MUC17: variants seen among roughly 807,000 people sequenced by gnomAD.
MUC17 encodes the protein mucin-17.
A neutral mutation model predicts 170.3 loss-of-function variants in MUC17; 190 were observed. That is an observed-to-expected ratio of 1.12 (90% CI 0.99 to 1.26). The LOEUF is 1.26. Ranked by LOEUF, MUC17 falls within the 50% of genes most tolerant of loss-of-function variation. The pLI is 0.00. For missense variants in MUC17, 6,415 were observed against 5,530.0 expected (o/e 1.16, Z -5.08); for synonymous variants, 2,325 against 2,002.5 (o/e 1.16, Z -4.30).
Position 101,037,572 on chromosome 7 carries a change from C to G in MUC17, c.6156C>G (p.Ser2052Arg), listed in dbSNP as rs376357171. The stretch of plus-strand genomic sequence containing the variant: ...CTCCATTAGCAGGTATGCCTGTCAG[C>G]ACTACGCTTGTGGTCAGTTCTGAGG... ...RTTPLAGMPV[S>R]TTLVVSSEGN... The change falls in exon 3 of 13, where the codon AGC (serine) becomes AGG (arginine). Residue 2052 changes from serine to arginine, a missense_variant. Coordinates refer to ENST00000306151, the MANE Select transcript of MUC17 (RefSeq NM_001040105.2). 43 of 1,613,680 alleles carry G rather than the reference C, an allele frequency of 2.7e-5. 1 individual carries two copies. The Middle Eastern group carries it at 4.9e-4, about 19-fold the overall frequency.
Position 101,039,051 on chromosome 7 carries a change from T to A in MUC17, c.7635T>A (p.Pro2545=), listed in dbSNP as rs1159041436. 1.2e-6 allele frequency: 2 copies of A among 1,613,666 alleles called. No homozygotes were observed. Among genetic ancestry groups the A allele is most frequent in the Admixed American group, 1.7e-5 (1 of 59,982 alleles). ...CAACTCCTGTTGACTCCAACAGTCC[T>A]GTGGTCACTTCTACTGAAATCAGTT... is the stretch of plus-strand genomic sequence containing the variant. ...LSTTPVDSNS[P]VVTSTEISSS... is the part of the protein sequence containing the mutation. The change falls in exon 3 of 13, where the codon CCT becomes CCA. Residue 2545 remains proline, a synonymous_variant. Transcript: ENST00000306151.
Position 101,034,142 on chromosome 7 carries a change from C to A in MUC17, c.2726C>A (p.Ser909Tyr), listed in dbSNP as rs757190906. ...STEARSSPTTSEGTSMPTSTP... is the reference protein window; with the variant it reads ...STEARSSPTTYEGTSMPTSTP... The stretch of plus-strand genomic sequence containing the variant: ...GAAGCCCGTTCGTCTCCTACAACTT[C>A]TGAAGGTACCAGCATGCCAACCTCA... The change falls in exon 3 of 13, where the codon TCT becomes TAT. Residue 909 changes from serine to tyrosine, a missense_variant. Transcript: ENST00000306151. 2.3e-5 allele frequency: 37 copies of A among 1,584,942 alleles called. No homozygotes were observed. Among genetic ancestry groups the A allele is most frequent in the Middle Eastern group, 3.4e-4 (2 of 5,936 alleles).
intron 11 of MUC17, among the ~76,000 whole-genome samples, chr7:101,054,932 A>G (rs780776762): frequency 2.0e-5 from 3 of 152,106 alleles, no homozygotes; most frequent in Admixed American, 6.6e-5. Context: ...ACACGGTGAA[A>G]CCCCGTCTCT....
chr7:101,031,935 G>A lies in MUC17; in HGVS notation c.519G>A (p.Glu173=). 1 of 1,614,018 alleles carries A rather than the reference G, an allele frequency of 6.2e-7. No individual in the cohort carries two copies. The highest frequency in any genetic ancestry group is 1.3e-5 in the African/African-American group (1 of 75,048). The change falls in exon 3 of 13, where the codon GAG becomes GAA. Residue 173 remains glutamate (E), a synonymous_variant. Transcript: ENST00000306151. ...FVSTAPLPSF[E]AYTSLTYKVD... ...GCACTGCACCTCTTCCCAGTTTTGA[G>A]GCCTACACATCTTTAACATATAAGG...
In MUC17 at chr7:101,036,897, C is replaced by A; in HGVS notation, c.5481C>A (p.Thr1827=). 2 of 1,613,004 alleles carry A rather than the reference C, an allele frequency of 1.2e-6. No individual in the cohort carries two copies. The highest frequency in any genetic ancestry group is 2.2e-5 in the East Asian group (1 of 44,796). The change falls in exon 3 of 13, where the codon ACC becomes ACA. Residue 1827 remains threonine, a synonymous_variant. Coordinates refer to ENST00000306151, the MANE Select transcript of MUC17 (RefSeq NM_001040105.2). The part of the protein sequence containing the change: ...HTLVANSEAS[T]LSTTPVDSNS... The stretch of plus-strand genomic sequence containing the variant: ...TGGTGGCCAATTCTGAGGCTAGCAC[C>A]CTTTCAACAACTCCTGTTGACTCTA...
At position 101,042,597 on chromosome 7, in the gene MUC17, T is replaced by G. The variant is rs1794748342; in HGVS notation, c.11181T>G (p.Thr3727=). 1.9e-6 allele frequency: 3 copies of G among 1,614,128 alleles called. No individual in the cohort carries two copies. Among genetic ancestry groups the G allele is most frequent in the Non-Finnish European group, 2.5e-6 (3 of 1,180,032 alleles). ...PSVVTSTPVT[T]STEAISSSAT... ...TTGTCACCAGCACACCTGTGACCACTTCTACTGAAGCCATTTCATCTTCTG... is the reference window on the plus strand; with the variant it reads ...TTGTCACCAGCACACCTGTGACCACGTCTACTGAAGCCATTTCATCTTCTG... The change falls in exon 3 of 13, where the codon ACT becomes ACG. Residue 3727 remains threonine (T), a synonymous_variant. Transcript: ENST00000306151.
At position 101,051,842 on chromosome 7, in the gene MUC17, T is replaced by C. The variant is rs1041151590; in HGVS notation, c.12983T>C (p.Phe4328Ser). The change falls in exon 9 of 13, where the codon TTC (phenylalanine) becomes TCC (serine). Residue 4328 changes from phenylalanine to serine, a missense_variant. Transcript: ENST00000306151. Reference sequence around the variant, plus strand: ...ATGGCCAAGGAATATGGAGACTACTTCGTAGTGGAGTACCGGGACCAGAAG... The same window carrying C: ...ATGGCCAAGGAATATGGAGACTACTCCGTAGTGGAGTACCGGGACCAGAAG... ...RKMAKEYGDY[F>S]VVEYRDQKPY... The C allele has an allele frequency of 1.2e-6, 2 of 1,614,154 alleles. No individual in the cohort carries two copies. The highest frequency in any genetic ancestry group is 1.7e-4 in the Middle Eastern group (1 of 6,060).
rs759900251 is a variant in MUC17, at chr7:101,034,606, A to G, written c.3190A>G (p.Thr1064Ala). 6.2e-7 allele frequency: 1 copy of G among 1,606,354 alleles called. No homozygotes were observed. The highest frequency in any genetic ancestry group is 1.1e-5 in the South Asian group (1 of 90,644). The change falls in exon 3 of 13, where the codon ACA (threonine) becomes GCA (alanine). Residue 1064 changes from threonine to alanine, a missense_variant. Physicochemically the swap from Thr to Ala is moderately conservative, Grantham distance 58. Coordinates refer to ENST00000306151, the MANE Select transcript of MUC17 (RefSeq NM_001040105.2). ...CAGTTCTGAAACGAGCACACTTTCA[A>G]CAACTCCTGCTGACACCAGCACACC... The part of the protein sequence containing the change: ...VASSETSTLS[T>A]TPADTSTPVT...
rs1240215276 is a variant in MUC17, at chr7:101,035,997, C to T, written c.4581C>T (p.Ala1527=). Residue 1527 remains alanine (A), a synonymous_variant, in exon 3 of 13, where the codon GCC becomes GCT. Coordinates refer to ENST00000306151, the MANE Select transcript of MUC17 (RefSeq NM_001040105.2). ...TACCTGTCAGCACCACAACAGTGGC[C>T]AGTTCTGAAATCAACAGCCTTTCAA... ...TSIPVSTTTV[A]SSEINSLSTT... 2 of 1,611,906 alleles carry T rather than the reference C, an allele frequency of 1.2e-6. No individual in the cohort carries two copies. The highest frequency in any genetic ancestry group is 1.7e-5 in the Admixed American group (1 of 59,930).
rs116593362 is a variant in MUC17 at position 101,039,839 on chromosome 7, C to G, written c.8423C>G (p.Thr2808Arg). The G allele has an allele frequency of 1.6e-3, 2,577 of 1,604,538 alleles. 45 individuals are homozygous for G. The African/African-American group carries it at 0.032, about 20-fold the overall frequency. Residue 2808 changes from threonine (T) to arginine (R), a missense_variant, in exon 3 of 13, where the codon ACA (threonine) becomes AGA (arginine). By Grantham distance (71) the Thr-to-Arg change is moderately conservative. Transcript: ENST00000306151. The part of the protein sequence containing the change: ...TSMPTSTPSE[T>R]STPLTSMPVN... ...ATGCCAACCTCAACTCCTAGTGAAA[C>G]AAGTACTCCATTAACTAGTATGCCT...
intron 11 of MUC17, among the ~76,000 whole-genome samples, chr7:101,055,084 G>A (rs1191799387): frequency 3.9e-5 from 6 of 152,062 alleles, no homozygotes; most frequent in African/African-American, 1.2e-4. Flanking sequence ...CTCCAGCCTG[G>A]GCAACAGAGC....
Position 101,043,723 on chromosome 7 carries a change from A to G in MUC17, c.12307A>G (p.Thr4103Ala), listed in dbSNP as rs773745837. ...TTRTKPSTRT[T>A]SFPTVTTTAV... is the part of the protein sequence containing the mutation. ...CAGGACAAAACCCAGCACACGGACC[A>G]CTTCCTTCCCCACGGTGACCACCAC... The change falls in exon 3 of 13, where the codon ACT becomes GCT. Residue 4103 changes from threonine to alanine, a missense_variant. Transcript: ENST00000306151. The G allele has an allele frequency of 9.9e-6, 16 of 1,613,964 alleles. No individual in the cohort carries two copies. Among genetic ancestry groups the G allele is most frequent in the Non-Finnish European group, 1.3e-5 (15 of 1,180,014 alleles).
rs1335081941 is a variant in MUC17, at chr7:101,033,573, GA to G, written c.2158del (p.Thr720ProfsTer30). ...CTCCTGTTGACACCAGCACACCTGT[GA>G]CCACTTCAACTGAAGCCAGTTCCTC... ...TTPVDTSTPV[T>X]TSTEASSSPT... is the part of the protein sequence containing the mutation. On this transcript the variant is annotated frameshift_variant, in exon 3 of 13. Transcript: ENST00000306151. LOFTEE classifies it high-confidence loss of function. 6.2e-7 allele frequency: 1 copy of G among 1,613,050 alleles called. No individual in the cohort carries two copies. The highest frequency in any genetic ancestry group is 8.5e-7 in the Non-Finnish European group (1 of 1,179,818).
chr7:101,043,432 A>G lies in MUC17; in HGVS notation c.12016A>G (p.Thr4006Ala). 1 of 1,614,130 alleles carries G rather than the reference A, an allele frequency of 6.2e-7. No individual in the cohort carries two copies. The highest frequency in any genetic ancestry group is 8.5e-7 in the Non-Finnish European group (1 of 1,180,026). Residue 4006 changes from threonine to alanine, a missense_variant, in exon 3 of 13, where the codon ACC (threonine) becomes GCC (alanine). Transcript: ENST00000306151. ...MTTAAPLTYV[T>A]MSTAPSTPRT... ...TACTGCAGCTCCCCTCACATATGTGACCATGTCTACTGCCCCCAGCACACC... is the reference window on the plus strand; with the variant it reads ...TACTGCAGCTCCCCTCACATATGTGGCCATGTCTACTGCCCCCAGCACACC...
In MUC17 at chr7:101,051,968, T is replaced by G; in HGVS notation, c.13103+6T>G. The G allele has an allele frequency of 6.2e-7, 1 of 1,609,200 alleles. No individual in the cohort carries two copies. Among genetic ancestry groups the G allele is most frequent in the Non-Finnish European group, 8.5e-7 (1 of 1,176,536 alleles). ...CTAAGTGGACCTCAGTGCCTGTGAG[T>G]GCTCCCCCATCTCCTCCAGCCCAGC... On this transcript the variant is annotated splice_donor_region_variant and intron_variant, in intron 9 of 12. Coordinates refer to ENST00000306151, the MANE Select transcript of MUC17 (RefSeq NM_001040105.2).
intron 3 of MUC17, among the ~76,000 whole-genome samples, chr7:101,045,250 C>T (rs1390521384): frequency 1.3e-5 from 2 of 152,174 alleles, no homozygotes; most frequent in Non-Finnish European, 2.9e-5. Context: ...TGTGTCTGCC[C>T]ACAGAACTGC....
rs770083631 is a variant in MUC17, at chr7:101,034,101, T to C, written c.2685T>C (p.Pro895=). 1.9e-6 allele frequency: 3 copies of C among 1,585,284 alleles called. No homozygotes were observed. Among genetic ancestry groups the C allele is most frequent in the East Asian group, 4.8e-5 (2 of 41,978 alleles). Residue 895 remains proline, a synonymous_variant, in exon 3 of 13, where the codon CCT becomes CCC. Coordinates refer to ENST00000306151, the MANE Select transcript of MUC17 (RefSeq NM_001040105.2). ...CAACTCCTGTTGACACCAGCACACC[T>C]GTGACCAATTCTACTGAAGCCCGTT... ...LSTTPVDTST[P]VTNSTEARSS...
At chr7:101,044,690 A>G (rs959939223) in intron 3 of MUC17, among the ~76,000 whole-genome samples, 2 of 152,130 alleles carry the variant, frequency 1.3e-5, no homozygotes, top group Non-Finnish European at 2.9e-5. Context: ...GTATGCCATG[A>G]TGTTATTAAC....
Position 101,036,394 on chromosome 7 carries a change from A to G in MUC17, c.4978A>G (p.Ser1660Gly). The change falls in exon 3 of 13, where the codon AGT (serine) becomes GGT (glycine). Residue 1660 changes from serine (S) to glycine (G), a missense_variant. Coordinates refer to ENST00000306151, the MANE Select transcript of MUC17 (RefSeq NM_001040105.2). ...TLSTTPVDSN[S>G]PVITSTEVSS... ...TTCAACAACTCCTGTTGACTCCAACAGTCCTGTGATCACTTCTACTGAAGT... is the reference window on the plus strand; with the variant it reads ...TTCAACAACTCCTGTTGACTCCAACGGTCCTGTGATCACTTCTACTGAAGT... 1 of 1,612,256 alleles carries G rather than the reference A, an allele frequency of 6.2e-7. No individual in the cohort carries two copies. The highest frequency in any genetic ancestry group is 1.1e-5 in the South Asian group (1 of 90,904).
Sources: allele counts gnomAD v4.1 joint callset (sites outside exome capture counted in the v4.1 genomes callset), GRCh38; gene constraint gnomAD v4.1.1; transcripts MANE v1.5; gene names NCBI Gene and HGNC (gene_info 2026-07-23, HGNC 2026-07-21).